The following ASRGL1 variants were observed in gnomAD, a reference collection of about 807,000 sequenced individuals.
ASRGL1 encodes the protein asparaginase and isoaspartyl peptidase 1.
A neutral mutation model predicts 22.4 loss-of-function variants in ASRGL1; 16 were observed. The ratio of observed to expected loss-of-function variants is 0.71; its 90% confidence interval spans 0.48 to 1.08. The LOEUF is 1.08. ASRGL1 is among the 50% of genes least tolerant of loss of function. The pLI is 0.00. For synonymous variants in ASRGL1, 165 were observed against 159.3 expected, an observed-to-expected ratio of 1.04 and a Z score of -0.27; for missense variants, 412 against 410.1, an observed-to-expected ratio of 1.00 and a Z score of -0.04.
At chr11:62,366,828 A>G (rs56894482) in intron 4 of ASRGL1, among the ~76,000 whole-genome samples, 222 of 152,258 alleles carry the variant, frequency 1.5e-3, no homozygotes, top group African/African-American at 5.1e-3. Context: ...ATGAGCCTTA[A>G]GGTTATGTTC....
At chr11:62,338,785 G>GAA (rs553788410) in intron 2 of ASRGL1, among the ~76,000 whole-genome samples, 13 of 126,450 alleles carry the variant, frequency 1.0e-4, no homozygotes, top group East Asian at 4.5e-4. Flanking sequence ...AAATACAAAA[G>GAA]AAAAAAAAAA....
intron 2 of ASRGL1, among the ~76,000 whole-genome samples, chr11:62,341,585 G>C (rs1161188258): frequency 6.6e-6 from 1 of 152,136 alleles, no homozygotes; most frequent in African/African-American, 2.4e-5. Flanking sequence ...TGGGGTCTAG[G>C]AATTGGTATT....
At chr11:62,392,040 A>T (rs1278022509) in intron 6 of ASRGL1, 39 bp from the exon 7 acceptor site, 2 of 1,597,054 alleles carry the variant, frequency 1.3e-6, no homozygotes, top group Admixed American at 3.3e-5. Context: ...GATTCCTTTC[A>T]GTAATGTGTG....
At chr11:62,374,240 A>G (rs1287683371) in intron 4 of ASRGL1, among the ~76,000 whole-genome samples, 1 of 152,118 alleles carries the variant, frequency 6.6e-6, no homozygotes, top group African/African-American at 2.4e-5. Flanking sequence ...CCTTCCTCAC[A>G]TGTCAGCACG....
chr11:62,371,879 G>GGGA (rs1946776996), intron 4 of ASRGL1: 1 of 547,868 alleles, frequency 1.8e-6, no homozygotes, highest in Non-Finnish European at 3.3e-6. Flanking sequence ...GCGTGAACCC[G>GGGA]GGAGGCGGAG....
At chr11:62,354,230 T>TA (rs1227686423) in intron 2 of ASRGL1, among the ~76,000 whole-genome samples, 1 of 152,046 alleles carries the variant, frequency 6.6e-6, no homozygotes, top group Non-Finnish European at 1.5e-5. Flanking sequence ...GGCAGAGAAA[T>TA]ATAGAGAAAG....
intron 4 of ASRGL1, among the ~76,000 whole-genome samples, chr11:62,373,967 T>C (rs2134663946): frequency 6.6e-6 from 1 of 152,356 alleles, no homozygotes; most frequent in East Asian, 1.9e-4. Flanking sequence ...GAGCCAGGGC[T>C]GAGCCTTGTC....
chr11:62,370,420 CTT>C (rs1254354020), intron 4 of ASRGL1, among the ~76,000 whole-genome samples: 1 of 152,298 alleles, frequency 6.6e-6, no homozygotes, highest in East Asian at 1.9e-4. Context: ...CTTACGATCT[CTT>C]GTTTCTGTAG....
In ASRGL1 at chr11:62,383,602, CAAAAAA is replaced by C. The variant is rs35096038; in HGVS notation, c.492-5510_492-5505del. ...TGGGCGACAGAGCGAGACTCCTACTCAAAAAAAAAAAAAAAAAAAAAAAAAAGAACA... is the reference window on the plus strand; with the variant it reads ...TGGGCGACAGAGCGAGACTCCTACTCAAAAAAAAAAAAAAAAAAAAGAACA... On this transcript the variant is annotated intron_variant, in intron 4 of 6. Transcript: ENST00000415229. Among the ~76,000 whole-genome samples the C allele has an allele frequency of 7.3e-4, 16 of 21,932 alleles. No homozygotes were observed. In the South Asian group the frequency reaches 0.013, roughly 17 times the overall value. 14.4% of individuals were successfully genotyped at this position (21,932 alleles called of 152,430 possible). A position where few individuals can be genotyped will look rare whatever the true frequency, so the allele number is the denominator to read the frequency against.
At chr11:62,375,447 T>TAC (rs1328821071) in intron 4 of ASRGL1, among the ~76,000 whole-genome samples, 1 of 63,450 alleles carries the variant, frequency 1.6e-5, no homozygotes, top group African/African-American at 9.1e-5. Context: ...TATATATATA[T>TAC]ATATATATAT....
chr11:62,360,019 C>CT lies in ASRGL1; in HGVS notation c.491+2889dup, dbSNP rs112728071. ...CTTCTTTTTTTTGTTTTTTGCTTTT[C>CT]TTTTTTTTTTTTTTGGTTTTGTTTG... On this transcript the variant is annotated intron_variant, in intron 4 of 6. Transcript: ENST00000415229. 8.7e-3 allele frequency among the ~76,000 whole-genome samples: 1,151 copies of CT among 132,160 alleles called. 15 individuals are homozygous for CT. The highest frequency in any genetic ancestry group is 0.024 in the African/African-American group (860 of 36,406). 86.7% of individuals were successfully genotyped at this position (132,160 alleles called of 152,430 possible).
chr11:62,375,859 C>T (rs1195329791), intron 4 of ASRGL1, among the ~76,000 whole-genome samples: 1 of 151,842 alleles, frequency 6.6e-6, no homozygotes, highest in Non-Finnish European at 1.5e-5. Context: ...TGCCTGTAAT[C>T]CCAGCACTTT....
chr11:62,380,771 T>G (rs1259234054), intron 4 of ASRGL1, among the ~76,000 whole-genome samples: 1 of 152,132 alleles, frequency 6.6e-6, no homozygotes, highest in Non-Finnish European at 1.5e-5. Context: ...TTTAACATTT[T>G]TATAGAAAAG....
In ASRGL1 at chr11:62,338,932, C is replaced by CAAAAAAAA. The variant is rs576869521; in HGVS notation, c.190+775_190+782dup. On this transcript the variant is annotated intron_variant, in intron 2 of 6. Coordinates refer to ENST00000415229, the MANE Select transcript of ASRGL1 (RefSeq NM_001083926.2). Reference sequence around the variant, plus strand: ...CCTGGGCGACAGAGCGAGACTATCTCAAAAAAAAAAAAAAAAACTGAAAAA... The same window carrying CAAAAAAAA: ...CCTGGGCGACAGAGCGAGACTATCTCAAAAAAAAAAAAAAAAAAAAAAAAACTGAAAAA... Among the ~76,000 whole-genome samples the CAAAAAAAA allele has an allele frequency of 1.6e-3, 160 of 100,300 alleles. 4 individuals carry two copies. The highest frequency in any genetic ancestry group is 2.3e-3 in the African/African-American group (58 of 25,756). 65.8% of individuals were successfully genotyped at this position (100,300 alleles called of 152,430 possible).
Position 62,356,305 on chromosome 11 carries a change from C to T in ASRGL1, c.191-20C>T. On this transcript the variant is annotated intron_variant, in intron 2 of 6. Coordinates refer to ENST00000415229, the MANE Select transcript of ASRGL1 (RefSeq NM_001083926.2). Reference sequence around the variant, plus strand: ...GCGTAAATTCTTAATTCTTGCTTTTCAACTTCTTTTTGGTTTTAGGTTGTG... The same window carrying T: ...GCGTAAATTCTTAATTCTTGCTTTTTAACTTCTTTTTGGTTTTAGGTTGTG... 2 of 1,611,196 alleles carry T rather than the reference C, an allele frequency of 1.2e-6. No individual in the cohort carries two copies. The highest frequency in any genetic ancestry group is 1.3e-5 in the African/African-American group (1 of 74,890).
At chr11:62,400,130 C>T in the ASRGL1 span, among the ~76,000 whole-genome samples, 1 of 152,192 alleles carries the variant, frequency 6.6e-6, no homozygotes, top group African/African-American at 2.4e-5. Flanking sequence ...GCCCCATAGG[C>T]CAGCCCCTCC....
chr11:62,395,896 C>G (rs181070466), downstream of ASRGL1, among the ~76,000 whole-genome samples: 6,742 of 151,164 alleles, frequency 0.045, 511 homozygotes, highest in African/African-American at 0.15. Flanking sequence ...CTCAGCCTCC[C>G]GAGTAGCTGG....
intron 4 of ASRGL1, chr11:62,382,223 A>G (rs1478971399): frequency 6.6e-6 from 1 of 151,974 alleles, no homozygotes; most frequent in Non-Finnish European, 1.5e-5. Flanking sequence ...TATAGAGAAA[A>G]AAAAGTGGGC....
intron 4 of ASRGL1, chr11:62,372,926 C>G (rs1363479651): frequency 3.2e-6 from 5 of 1,558,494 alleles, no homozygotes; most frequent in Non-Finnish European, 4.4e-6. Flanking sequence ...GTGGGAAGAG[C>G]AGCATCATTG....
Sources: gnomAD v4.1 joint callset for allele counts (sites outside exome capture counted in the v4.1 genomes callset) on GRCh38, gnomAD v4.1.1 for gene constraint, MANE v1.5 for transcripts, NCBI Gene and HGNC (gene_info 2026-07-23, HGNC 2026-07-21) for gene names.